The following CETP variants were observed in gnomAD, a reference collection of about 807,000 sequenced individuals.
CETP encodes the protein cholesteryl ester transfer protein.
CETP carries 56 observed loss-of-function variants against 66.5 expected under a neutral mutation model. That is an observed-to-expected ratio of 0.84 (90% CI 0.68 to 1.05). The LOEUF is 1.05. CETP is among the 50% of genes least tolerant of loss of function. The probability of loss-of-function intolerance (pLI) is 0.00; values close to 1 mark genes in which losing one functional copy is unlikely to be tolerated. For synonymous variants in CETP, 251 were observed against 245.7 expected (o/e 1.02, Z -0.20); for missense variants, 612 against 609.6 (o/e 1.00, Z -0.04).
At chr16:56,963,533 G>A (rs1477073976) in intron 2 of CETP, among the ~76,000 whole-genome samples, 1 of 152,152 alleles carries the variant, frequency 6.6e-6, no homozygotes, top group Non-Finnish European at 1.5e-5. Flanking sequence ...TTGAACTCTT[G>A]GCTTAGCCAG....
intron 14 of CETP, 45 bp downstream of exon 14, chr16:56,982,282 G>T (rs1282606025): frequency 6.3e-7 from 1 of 1,583,466 alleles, no homozygotes; most frequent in African/African-American, 1.3e-5. Flanking sequence ...GGCTGACAGA[G>T]CTTCCCATTT....
At position 56,981,500 on chromosome 16, in the gene CETP, G is replaced by T. The variant is rs1752589293; in HGVS notation, c.1215-147G>T. 4 of 1,033,204 alleles carry T rather than the reference G, an allele frequency of 3.9e-6. No individual in the cohort carries two copies. In the Admixed American group the frequency reaches 7.3e-5, roughly 19 times the overall value. 64.0% of individuals were successfully genotyped at this position (1,033,204 alleles called of 1,614,324 possible). A position where few individuals can be genotyped will look rare whatever the true frequency, so the allele number is the denominator to read the frequency against. On this transcript the variant is annotated intron_variant, in intron 12 of 15. Transcript: ENST00000200676. Reference sequence around the variant, plus strand: ...TGGCCGCCAGAATAGCAAATCTCAAGGGAATAGCAAATCTCAAGAGAGTGC... The same window carrying T: ...TGGCCGCCAGAATAGCAAATCTCAATGGAATAGCAAATCTCAAGAGAGTGC...
rs2056205871 is a variant in CETP at position 56,983,823 on chromosome 16, G to T, written c.*157G>T. On this transcript the variant is annotated 3_prime_UTR_variant, in exon 16 of 16. Coordinates refer to ENST00000200676, the MANE Select transcript of CETP (RefSeq NM_000078.3). Reference sequence around the variant, plus strand: ...TCCTCCCTATCCTAAAGGCCCACTGGCATTAAAGTGCTGTATCCAAGAGCT... The same window carrying T: ...TCCTCCCTATCCTAAAGGCCCACTGTCATTAAAGTGCTGTATCCAAGAGCT... 31 of 720,922 alleles carry T rather than the reference G, an allele frequency of 4.3e-5. 1 individual carries two copies. In the South Asian group the frequency reaches 4.4e-4, roughly 10 times the overall value. 44.7% of individuals were successfully genotyped at this position (720,922 alleles called of 1,614,324 possible).
At chr16:56,964,904 G>A (rs1265598900) in intron 2 of CETP, among the ~76,000 whole-genome samples, 2 of 152,174 alleles carry the variant, frequency 1.3e-5, no homozygotes, top group East Asian at 1.9e-4. Flanking sequence ...GGGAGGCCGA[G>A]GTAGGAGGAT....
chr16:56,971,483 G>T, intron 7 of CETP, 102 bp downstream of exon 7: 1 of 1,027,604 alleles, frequency 9.7e-7, no homozygotes, highest in Non-Finnish European at 1.5e-6. Flanking sequence ...TCCTGTCTAG[G>T]TCCCATGGGC....
chr16:56,964,641 G>A (rs2056052757), intron 2 of CETP, among the ~76,000 whole-genome samples: 1 of 152,182 alleles, frequency 6.6e-6, no homozygotes, highest in African/African-American at 2.4e-5. Flanking sequence ...ACGCTCCCCA[G>A]GGGTGGTCTC....
At chr16:56,962,816 G>T (rs1238566750) in intron 1 of CETP, among the ~76,000 whole-genome samples, 194 bp from the exon 2 acceptor site, 1 of 152,138 alleles carries the variant, frequency 6.6e-6, no homozygotes, top group African/African-American at 2.4e-5. Flanking sequence ...TGGGGTCAGG[G>T]TCAGAGCTCT....
intron 9 of CETP, 40 bp downstream of exon 9, chr16:56,973,550 C>T: frequency 1.9e-6 from 3 of 1,609,494 alleles, no homozygotes; most frequent in Admixed American, 3.3e-5. Context: ...ATCCAGATGG[C>T]ATGTGGTATG....
At chr16:56,975,225 A>G in intron 10 of CETP, 74 bp downstream of exon 10, 2 of 1,221,256 alleles carry the variant, frequency 1.6e-6, no homozygotes, top group Non-Finnish European at 2.4e-6. Context: ...GAGCCCCCAC[A>G]CAGCCAATAA....
intron 8 of CETP, among the ~76,000 whole-genome samples, chr16:56,972,395 CCA>C (rs1185331456): frequency 2.0e-5 from 3 of 152,236 alleles, no homozygotes; most frequent in African/African-American, 7.2e-5. Flanking sequence ...TGGCCCCCCC[CCA>C]GGGGGTACTG....
chr16:56,983,833 G>T lies in CETP; in HGVS notation c.*167G>T, dbSNP rs2056205927. ...CCTAAAGGCCCACTGGCATTAAAGT[G>T]CTGTATCCAAGAGCTGCGGAGTCCT... is the stretch of plus-strand genomic sequence containing the variant. On this transcript the variant is annotated 3_prime_UTR_variant, in exon 16 of 16. Transcript: ENST00000200676. 1 of 706,414 alleles carries T rather than the reference G, an allele frequency of 1.4e-6. No homozygotes were observed. The highest frequency in any genetic ancestry group is 1.7e-5 in the African/African-American group (1 of 57,314). The allele number at this position is 706,414 out of a possible 1,614,324, so 43.8% of individuals were successfully genotyped here.
chr16:56,963,158 G>A (rs1193136179), intron 2 of CETP, 34 bp downstream of exon 2: 1 of 1,562,078 alleles, frequency 6.4e-7, no homozygotes, highest in Non-Finnish European at 8.8e-7. Context: ...CAGGCTGGGG[G>A]TAGGGAGGCG....
intron 8 of CETP, among the ~76,000 whole-genome samples, chr16:56,972,571 C>T (rs556720185): frequency 3.1e-4 from 47 of 152,328 alleles, no homozygotes; most frequent in African/African-American, 1.1e-3. Flanking sequence ...GGCACGCAGG[C>T]CCCTTCCACG....
chr16:56,962,108 G>C lies in CETP; in HGVS notation c.118+11G>C. 1 of 1,607,074 alleles carries C rather than the reference G, an allele frequency of 6.2e-7. No homozygotes were observed. The highest frequency in any genetic ancestry group is 1.1e-5 in the South Asian group (1 of 90,916). On this transcript the variant is annotated intron_variant, in intron 1 of 15. Transcript: ENST00000200676. ...CTGCCCTCCTGGTGTGTAAGTATCA[G>C]TGCATCTGTCTGCCCTGCCAGGGGT...
At chr16:56,980,645 C>T (rs957189098) in intron 11 of CETP, among the ~76,000 whole-genome samples, 8 of 152,056 alleles carry the variant, frequency 5.3e-5, no homozygotes, top group Non-Finnish European at 1.0e-4. Flanking sequence ...ATTATTCGGC[C>T]GGGCACGGTG....
chr16:56,980,127 G>A (rs1220582508), intron 11 of CETP, among the ~76,000 whole-genome samples: 1 of 152,212 alleles, frequency 6.6e-6, no homozygotes, highest in Non-Finnish European at 1.5e-5. Context: ...GTGCATGACT[G>A]TTAACCAAAC....
intron 1 of CETP, among the ~76,000 whole-genome samples, chr16:56,962,803 A>G (rs2056033709): frequency 6.6e-6 from 1 of 152,118 alleles, no homozygotes; most frequent in African/African-American, 2.4e-5. Flanking sequence ...CAGGATCTCT[A>G]GCTGGGGTCA....
intron 14 of CETP, 130 bp downstream of exon 14, chr16:56,982,367 C>G (rs765493758): frequency 2.6e-4 from 222 of 865,826 alleles, no homozygotes; most frequent in Non-Finnish European, 3.8e-4. Flanking sequence ...GGTCCTGGCC[C>G]CCTTTCCTCT....
Position 56,983,700 on chromosome 16 carries a change from C to A in CETP, c.*34C>A. The A allele has an allele frequency of 1.3e-6, 2 of 1,592,538 alleles. No homozygotes were observed. The highest frequency in any genetic ancestry group is 1.7e-6 in the Non-Finnish European group (2 of 1,160,400). ...AAGGAGGTCGGGATGGGGCTTGTAG[C>A]AGAAGGCAAGCACCAGGCTCACAGC... On this transcript the variant is annotated 3_prime_UTR_variant, in exon 16 of 16. Transcript: ENST00000200676.
Sources: gnomAD v4.1 joint callset for allele counts (sites outside exome capture counted in the v4.1 genomes callset) on GRCh38, gnomAD v4.1.1 for gene constraint, MANE v1.5 for transcripts, NCBI Gene and HGNC (gene_info 2026-07-23, HGNC 2026-07-21) for gene names.